C8orf89: variants seen among roughly 807,000 people sequenced by gnomAD.
C8orf89 encodes the protein putative uncharacterized protein C8orf89.
In C8orf89, 14 loss-of-function variants were observed where a neutral mutation model predicts 15.8. The ratio of observed to expected loss-of-function variants is 0.89; its 90% CI spans 0.59 to 1.39. The LOEUF is 1.39. Among genes scored for constraint, C8orf89 ranks in the 40% most tolerant of loss-of-function variants. C8orf89 has a pLI of 0.00. For missense variants in C8orf89, 181 were observed against 184.5 expected, an observed-to-expected ratio of 0.98 and a Z score of 0.11; for synonymous variants, 55 against 62.2, an observed-to-expected ratio of 0.88 and a Z score of 0.54.
At chr8:73,249,197 A>C (rs1813193460) in intron 3 of C8orf89, among the ~76,000 whole-genome samples, 1 of 152,064 alleles carries the variant, frequency 6.6e-6, no homozygotes, top group Admixed American at 6.6e-5. Context: ...TTTTGTCTTT[A>C]GCTCTGTTTA....
At chr8:73,254,907 C>T (rs982464403) in intron 2 of C8orf89, among the ~76,000 whole-genome samples, 2 of 152,160 alleles carry the variant, frequency 1.3e-5, no homozygotes, top group African/African-American at 2.4e-5. Context: ...GGAAAACTGG[C>T]TAGCCATATG....
chr8:73,278,449 A>G, the C8orf89 span, among the ~76,000 whole-genome samples: 4 of 152,004 alleles, frequency 2.6e-5, no homozygotes, highest in South Asian at 8.3e-4. Flanking sequence ...TCCTACCCTG[A>G]CGCCCGGGCG....
At chr8:73,257,314 G>C (rs553624786) in intron 1 of C8orf89, among the ~76,000 whole-genome samples, 188 bp from the exon 2 acceptor site, 1 of 152,310 alleles carries the variant, frequency 6.6e-6, no homozygotes, top group South Asian at 2.1e-4. Context: ...GCAGGAAGGA[G>C]TAGATTAAGG....
the C8orf89 span, among the ~76,000 whole-genome samples, chr8:73,283,085 G>A: frequency 1.3e-5 from 2 of 152,144 alleles, no homozygotes; most frequent in African/African-American, 4.8e-5. Context: ...GCCAGAGACT[G>A]TAATAAAGTT....
chr8:73,264,125 A>C (rs1361397750), upstream of C8orf89, among the ~76,000 whole-genome samples: 1 of 152,238 alleles, frequency 6.6e-6, no homozygotes, highest in Non-Finnish European at 1.5e-5. Flanking sequence ...ACTTCAGTGT[A>C]ACTATACTTG....
the C8orf89 span, among the ~76,000 whole-genome samples, chr8:73,267,932 C>T: frequency 1.3e-5 from 2 of 152,090 alleles, no homozygotes; most frequent in Non-Finnish European, 2.9e-5. Context: ...GGCAGAACAC[C>T]ACCATCTATA....
chr8:73,283,947 G>T, the C8orf89 span, among the ~76,000 whole-genome samples: 3 of 151,946 alleles, frequency 2.0e-5, no homozygotes, highest in African/African-American at 7.2e-5. Flanking sequence ...GGAGGCTGAG[G>T]CAGGAGAACT....
At chr8:73,255,532 C>A (rs1056655761) in intron 2 of C8orf89, among the ~76,000 whole-genome samples, 2 of 152,140 alleles carry the variant, frequency 1.3e-5, no homozygotes, top group African/African-American at 2.4e-5. Context: ...TAGTTCAACC[C>A]TTGTGGAAGT....
At chr8:73,260,252 T>C (rs1430480332), upstream of C8orf89, among the ~76,000 whole-genome samples, 2 of 152,062 alleles carry the variant, frequency 1.3e-5, no homozygotes, top group Non-Finnish European at 2.9e-5. Flanking sequence ...AAATGGATAA[T>C]ACATTTCTCT....
At chr8:73,260,695 G>A (rs1813509280), upstream of C8orf89, among the ~76,000 whole-genome samples, 2 of 152,178 alleles carry the variant, frequency 1.3e-5, 1 homozygote, top group South Asian at 4.1e-4. Context: ...CAAGGATGTG[G>A]GAGAGCAGAA....
At chr8:73,248,757 A>T (rs1386391201) in intron 3 of C8orf89, among the ~76,000 whole-genome samples, 1 of 152,126 alleles carries the variant, frequency 6.6e-6, no homozygotes, top group African/African-American at 2.4e-5. Context: ...TTGTTGGTGT[A>T]TAGGAATGCT....
At chr8:73,254,558 G>A (rs944676821) in intron 2 of C8orf89, among the ~76,000 whole-genome samples, 2 of 152,136 alleles carry the variant, frequency 1.3e-5, no homozygotes, top group Admixed American at 6.6e-5. Flanking sequence ...GCTGCTAAAC[G>A]GGATCCAGAT....
intron 2 of C8orf89, among the ~76,000 whole-genome samples, chr8:73,251,896 T>C (rs573566166): frequency 6.6e-6 from 1 of 152,338 alleles, no homozygotes; most frequent in African/African-American, 2.4e-5. Context: ...AAGGGCACTG[T>C]GACCCTTGAT....
chr8:73,281,315 GAA>G, the C8orf89 span, among the ~76,000 whole-genome samples: 18 of 152,056 alleles, frequency 1.2e-4, no homozygotes, highest in Non-Finnish European at 2.2e-4. Context: ...TCTTATAATA[GAA>G]AAGAGAATGA....
the C8orf89 span, among the ~76,000 whole-genome samples, chr8:73,273,221 C>T: frequency 3.3e-5 from 5 of 152,138 alleles, no homozygotes; most frequent in African/African-American, 1.2e-4. Flanking sequence ...GGGCAAAAGT[C>T]CCATGTTCCT....
the C8orf89 span, among the ~76,000 whole-genome samples, chr8:73,274,610 A>G: frequency 2.0e-5 from 3 of 152,148 alleles, no homozygotes; most frequent in East Asian, 1.9e-4. Flanking sequence ...TTTGCGTCCT[A>G]TGTTTTTAAG....
rs1813402870 is a variant in C8orf89, at chr8:73,256,858, A to G, written c.281+115T>C. 6.0e-6 allele frequency: 4 copies of G among 668,310 alleles called. No individual in the cohort carries two copies. In the East Asian group the frequency reaches 9.8e-5, roughly 16 times the overall value. 41.4% of individuals were successfully genotyped at this position (668,310 alleles called of 1,614,324 possible). ...AAAAATTAAATCCTTTATGTAAAAAAAAAAAAAAAACAGGCAAAAATGAAT... is the reference window on the plus strand; with the variant it reads ...AAAAATTAAATCCTTTATGTAAAAAGAAAAAAAAAACAGGCAAAAATGAAT... On this transcript the variant is annotated intron_variant, in intron 2 of 3. Transcript: ENST00000624510.
chr8:73,265,509 C>A, the C8orf89 span, among the ~76,000 whole-genome samples: 38 of 152,250 alleles, frequency 2.5e-4, no homozygotes, highest in East Asian at 7.1e-3. Flanking sequence ...AAGGAGATGA[C>A]CCCCCTAAGC....
chr8:73,241,800 A>T (rs965396250), intron 3 of C8orf89, among the ~76,000 whole-genome samples, 195 bp from the exon 4 acceptor site: 2 of 152,174 alleles, frequency 1.3e-5, no homozygotes, highest in African/African-American at 2.4e-5. Context: ...AGAACAGAAT[A>T]AACAACCCAG....
Sources: allele counts gnomAD v4.1 joint callset (sites outside exome capture counted in the v4.1 genomes callset), GRCh38; gene constraint gnomAD v4.1.1; transcripts MANE v1.5; gene names NCBI Gene and HGNC (gene_info 2026-07-23, HGNC 2026-07-21).